Variants in KIRREL3 observed in about 807,000 individuals in gnomAD.
The protein encoded by KIRREL3 is kin of IRRE-like protein 3.
Under a neutral mutation model 89.7 loss-of-function variants are expected in KIRREL3, and 36 were observed. That is an observed-to-expected ratio of 0.40 (90% confidence interval 0.31 to 0.53). The LOEUF (loss-of-function observed/expected upper bound fraction) is 0.53. Ranked by LOEUF, KIRREL3 falls within the 20% of genes least tolerant of loss-of-function variation. KIRREL3 has a pLI of 0.49. For synonymous variants in KIRREL3, 445 were observed against 441.4 expected (o/e 1.01, Z -0.10); for missense variants, 864 against 1,056.6 (o/e 0.82, Z 2.53).
At position 126,977,901 on chromosome 11, in the gene KIRREL3, A is replaced by G. The variant is rs956642037; in HGVS notation, c.55+22554T>C. On this transcript the variant is annotated intron_variant, in intron 1 of 16. Coordinates refer to ENST00000525144, the MANE Select transcript of KIRREL3 (RefSeq NM_032531.4). The surrounding 1 kb of genome is among the most constrained non-coding windows in gnomAD (Gnocchi z 4.7). ...TATTTTGGATCAGGAAAGAGCATCA[A>G]TTTCCTGTGTACCACACAGTCAGAG... Among the ~76,000 whole-genome samples, 2 of 151,902 alleles carry G rather than the reference A, an allele frequency of 1.3e-5. No individual in the cohort carries two copies. Among genetic ancestry groups the G allele is most frequent in the African/African-American group, 4.8e-5 (2 of 41,336 alleles).
intron 8 of KIRREL3, among the ~76,000 whole-genome samples, chr11:126,447,487 G>A (rs1213064939): frequency 3.3e-5 from 5 of 152,320 alleles, no homozygotes; most frequent in East Asian, 3.9e-4. Flanking sequence ...TTTCCCACCC[G>A]GTGCTCTCAG....
intron 1 of KIRREL3, among the ~76,000 whole-genome samples, chr11:126,580,983 C>A (rs766086737): frequency 1.3e-5 from 2 of 151,918 alleles, no homozygotes; most frequent in Non-Finnish European, 2.9e-5. Context: ...AGTAGGTGCT[C>A]ATGTAAATGC....
In KIRREL3 at chr11:126,668,349, C is replaced by T. The variant is rs1305335859; in HGVS notation, c.56-105437G>A. Among the ~76,000 whole-genome samples the T allele has an allele frequency of 1.3e-5, 2 of 152,186 alleles. No individual in the cohort carries two copies. The highest frequency in any genetic ancestry group is 4.8e-5 in the African/African-American group (2 of 41,426). On this transcript the variant is annotated intron_variant, in intron 1 of 16. Transcript: ENST00000525144. This position sits in a 1 kb window ranked among gnomAD's most constrained non-coding sequence, Gnocchi z 4.4. ...CCTAATCACCTCCCAAAGGCCTCAC[C>T]TCCTAATACCGTAGCCTTGGAGGTG... is the stretch of plus-strand genomic sequence containing the variant.
rs919692626 is a variant in KIRREL3 at position 126,553,027 on chromosome 11, C to G, written c.133+9808G>C. On this transcript the variant is annotated intron_variant, in intron 2 of 16. Coordinates refer to ENST00000525144, the MANE Select transcript of KIRREL3 (RefSeq NM_032531.4). This position sits in a 1 kb window ranked among gnomAD's most constrained non-coding sequence, Gnocchi z 4.7. ...CAGAGGAAAAAGTCTAGTGGGGACA[C>G]TAGTACCACTCATGGTGTGTGTGAG... Among the ~76,000 whole-genome samples, 1 of 152,224 alleles carries G rather than the reference C, an allele frequency of 6.6e-6. No individual in the cohort carries two copies. Among genetic ancestry groups the G allele is most frequent in the African/African-American group, 2.4e-5 (1 of 41,462 alleles).
At chr11:126,794,525 G>A (rs1950744094) in intron 1 of KIRREL3, among the ~76,000 whole-genome samples, 1 of 152,216 alleles carries the variant, frequency 6.6e-6, no homozygotes, top group Admixed American at 6.5e-5. Flanking sequence ...CAGATCACAT[G>A]AGAGAATATA....
At chr11:126,698,630 G>A (rs531926582) in intron 1 of KIRREL3, among the ~76,000 whole-genome samples, 5 of 152,360 alleles carry the variant, frequency 3.3e-5, no homozygotes, top group Admixed American at 6.5e-5. Flanking sequence ...GTTCTGCTGC[G>A]TGAGGAGGAA....
chr11:126,714,865 G>A (rs1947897734), intron 1 of KIRREL3, among the ~76,000 whole-genome samples: 1 of 152,164 alleles, frequency 6.6e-6, no homozygotes, highest in African/African-American at 2.4e-5. Flanking sequence ...CTGAGGTGGG[G>A]GCTTATGTAC....
intron 2 of KIRREL3, among the ~76,000 whole-genome samples, chr11:126,546,919 C>G (rs1938853770): frequency 6.6e-6 from 1 of 152,184 alleles, no homozygotes; most frequent in Admixed American, 6.5e-5. Context: ...AGATCAAGGT[C>G]AAAGTCATAT....
rs1322596469 is a variant in KIRREL3 at position 126,668,443 on chromosome 11, G to A, written c.56-105531C>T. ...TAAAACACCCTGGCTATAGAAGAGA[G>A]GTGGCTTTTCCTCTCCCCAGACAGC... On this transcript the variant is annotated intron_variant, in intron 1 of 16. Coordinates refer to ENST00000525144, the MANE Select transcript of KIRREL3 (RefSeq NM_032531.4). This position sits in a 1 kb window ranked among gnomAD's most constrained non-coding sequence, Gnocchi z 4.4. Among the ~76,000 whole-genome samples the A allele has an allele frequency of 6.6e-6, 1 of 152,162 alleles. No individual in the cohort carries two copies. Among genetic ancestry groups the A allele is most frequent in the Non-Finnish European group, 1.5e-5 (1 of 68,036 alleles).
In KIRREL3 at chr11:126,776,538, G is replaced by A. The variant is rs745840300; in HGVS notation, c.56-213626C>T. On this transcript the variant is annotated intron_variant, in intron 1 of 16. Coordinates refer to ENST00000525144, the MANE Select transcript of KIRREL3 (RefSeq NM_032531.4). This position sits in a 1 kb window ranked among gnomAD's most constrained non-coding sequence, Gnocchi z 4.7. ...GTCTCTACTAGGTGTCAGAGCCGTC[G>A]GTAGGGTTAATGCAGGTCCCTTAAG... Among the ~76,000 whole-genome samples the A allele has an allele frequency of 2.6e-5, 4 of 152,122 alleles. No homozygotes were observed. The highest frequency in any genetic ancestry group is 1.9e-4 in the East Asian group (1 of 5,182).
intron 4 of KIRREL3, among the ~76,000 whole-genome samples, chr11:126,488,254 T>C (rs1010670875): frequency 6.6e-6 from 1 of 152,214 alleles, no homozygotes; most frequent in Non-Finnish European, 1.5e-5. Context: ...CCCAGGCCCC[T>C]GCATCTCCAG....
At position 126,872,248 on chromosome 11, in the gene KIRREL3, C is replaced by T. The variant is rs1008832504; in HGVS notation, c.55+128207G>A. On this transcript the variant is annotated intron_variant, in intron 1 of 16. Coordinates refer to ENST00000525144, the MANE Select transcript of KIRREL3 (RefSeq NM_032531.4). This position sits in a 1 kb window ranked among gnomAD's most constrained non-coding sequence, Gnocchi z 4.2. The stretch of plus-strand genomic sequence containing the variant: ...CCACATCAATATGCCATGGCAATGA[C>T]CTGAAAATTACCTTGTATGGTTCCA... 2.6e-5 allele frequency among the ~76,000 whole-genome samples: 4 copies of T among 152,204 alleles called. No homozygotes were observed. Among genetic ancestry groups the T allele is most frequent in the Admixed American group, 6.5e-5 (1 of 15,278 alleles).
intron 1 of KIRREL3, among the ~76,000 whole-genome samples, chr11:126,915,208 A>G (rs1946990770): frequency 6.6e-6 from 1 of 152,226 alleles, no homozygotes; most frequent in Non-Finnish European, 1.5e-5. Context: ...GGGGAATTTC[A>G]TCAGTATGTT....
Position 126,668,827 on chromosome 11 carries a change from C to T in KIRREL3, c.56-105915G>A, listed in dbSNP as rs1439806565. The stretch of plus-strand genomic sequence containing the variant: ...CACCTGGGCTTTTAATAATGTTTGG[C>T]TCCATTTTAAACCCCTGGCTCTGAG... On this transcript the variant is annotated intron_variant, in intron 1 of 16. Coordinates refer to ENST00000525144, the MANE Select transcript of KIRREL3 (RefSeq NM_032531.4). The surrounding 1 kb of genome is among the most constrained non-coding windows in gnomAD (Gnocchi z 4.4). Among the ~76,000 whole-genome samples, 1 of 150,942 alleles carries T rather than the reference C, an allele frequency of 6.6e-6. No individual in the cohort carries two copies. The highest frequency in any genetic ancestry group is 1.5e-5 in the Non-Finnish European group (1 of 67,954).
intron 1 of KIRREL3, among the ~76,000 whole-genome samples, chr11:126,659,799 A>G (rs902109556): frequency 1.1e-4 from 17 of 152,248 alleles, no homozygotes; most frequent in African/African-American, 4.1e-4. Context: ...CTATGAGCAC[A>G]GCCCAGGAAT....
chr11:126,424,585 C>T lies in KIRREL3; in HGVS notation c.2332G>A (p.Val778Ile), dbSNP rs1954855889. ...RPLQRRMQTH[V>I] ...CCACCCGCGGTGTGTGATCCTTAGA[C>T]GTGAGTCTGCATCCGCCGCTGCAGG... The change falls in exon 17 of 17, where the codon GTC (valine) becomes ATC (isoleucine). Residue 778 changes from valine to isoleucine, a missense_variant. Val to Ile is a conservative substitution (Grantham distance 29, BLOSUM62 3). Transcript: ENST00000525144. 1.9e-6 allele frequency: 3 copies of T among 1,613,568 alleles called. No homozygotes were observed. The highest frequency in any genetic ancestry group is 1.7e-6 in the Non-Finnish European group (2 of 1,179,834).
In KIRREL3 at chr11:126,607,962, C is replaced by G. The variant is rs1942956354; in HGVS notation, c.56-45050G>C. 6.6e-6 allele frequency among the ~76,000 whole-genome samples: 1 copy of G among 152,180 alleles called. No individual in the cohort carries two copies. The highest frequency in any genetic ancestry group is 1.5e-5 in the Non-Finnish European group (1 of 68,036). On this transcript the variant is annotated intron_variant, in intron 1 of 16. Transcript: ENST00000525144. This position sits in a 1 kb window ranked among gnomAD's most constrained non-coding sequence, Gnocchi z 6.6. Reference sequence around the variant, plus strand: ...GGGCAACTGCTCAGCCCCATCGCAGCAAGGGCCCGAGGAACGAGCACGTCA... The same window carrying G: ...GGGCAACTGCTCAGCCCCATCGCAGGAAGGGCCCGAGGAACGAGCACGTCA...
intron 5 of KIRREL3, among the ~76,000 whole-genome samples, chr11:126,469,143 G>A (rs1386593813): frequency 6.6e-6 from 1 of 152,190 alleles, no homozygotes; most frequent in Non-Finnish European, 1.5e-5. Context: ...AGGGAGGCAC[G>A]GCAAGGTGAG....
At position 126,783,693 on chromosome 11, in the gene KIRREL3, G is replaced by A. The variant is rs892376212; in HGVS notation, c.55+216762C>T. Reference sequence around the variant, plus strand: ...ATAAATAAATGGAGGAGAATAGATAGACTCCAGTGCAGAATTCCAAATAAT... The same window carrying A: ...ATAAATAAATGGAGGAGAATAGATAAACTCCAGTGCAGAATTCCAAATAAT... On this transcript the variant is annotated intron_variant, in intron 1 of 16. Coordinates refer to ENST00000525144, the MANE Select transcript of KIRREL3 (RefSeq NM_032531.4). This position sits in a 1 kb window ranked among gnomAD's most constrained non-coding sequence, Gnocchi z 4.3. 6.6e-6 allele frequency among the ~76,000 whole-genome samples: 1 copy of A among 152,232 alleles called. No individual in the cohort carries two copies. Among genetic ancestry groups the A allele is most frequent in the Non-Finnish European group, 1.5e-5 (1 of 68,034 alleles).
Sources: allele counts gnomAD v4.1 joint callset (sites outside exome capture counted in the v4.1 genomes callset), GRCh38; gene constraint gnomAD v4.1.1; non-coding constraint Gnocchi (gnomAD v3.1); transcripts MANE v1.5; gene names NCBI Gene and HGNC (gene_info 2026-07-23, HGNC 2026-07-21).